Variants in ZSCAN26 observed in about 807,000 individuals in gnomAD.
ZSCAN26 encodes zinc finger and SCAN domain-containing protein 26.
Under a neutral mutation model 23.0 loss-of-function variants are expected in ZSCAN26, and 26 were observed. The observed-to-expected ratio is 1.13, with a 90% CI of 0.83 to 1.57. The LOEUF (loss-of-function observed/expected upper bound fraction) is 1.57. Among genes scored for constraint, ZSCAN26 ranks in the 40% most tolerant of loss-of-function variants. The probability of loss-of-function intolerance (pLI) is 0.00; values close to 1 mark genes in which losing one functional copy is unlikely to be tolerated. For synonymous variants in ZSCAN26, 180 were observed against 202.5 expected, an observed-to-expected ratio of 0.89 and a Z score of 0.94; for missense variants, 528 against 568.5, an observed-to-expected ratio of 0.93 and a Z score of 0.72.
chr6:28,271,139 C>T (rs960836586), intron 1 of ZSCAN26, among the ~76,000 whole-genome samples: 3 of 152,146 alleles, frequency 2.0e-5, no homozygotes, highest in Non-Finnish European at 4.4e-5. Context: ...AATAGACCTC[C>T]TTGACCTTCT....
intron 3 of ZSCAN26, among the ~76,000 whole-genome samples, chr6:28,273,900 T>A (rs1252095773): frequency 6.6e-6 from 1 of 151,908 alleles, no homozygotes. Context: ...TTATTATTAT[T>A]TGTAGAGACA....
intron 3 of ZSCAN26, among the ~76,000 whole-genome samples, chr6:28,275,951 G>A (rs944809947): frequency 6.6e-6 from 1 of 152,098 alleles, no homozygotes; most frequent in Non-Finnish European, 1.5e-5. Flanking sequence ...GGTATCCCAT[G>A]ATAAAATTTA....
At chr6:28,270,457 A>T (rs964101167) in intron 1 of ZSCAN26, among the ~76,000 whole-genome samples, 3 of 152,122 alleles carry the variant, frequency 2.0e-5, no homozygotes, top group Non-Finnish European at 4.4e-5. Context: ...ATCCCCACAT[A>T]CCAAGGGCCT....
At chr6:28,270,563 G>A (rs998166191) in intron 1 of ZSCAN26, among the ~76,000 whole-genome samples, 1 of 152,210 alleles carries the variant, frequency 6.6e-6, no homozygotes. Flanking sequence ...TAGGCAGAAG[G>A]AAATTCAGGT....
chr6:28,273,486 A>T (rs7741443), intron 3 of ZSCAN26, among the ~76,000 whole-genome samples: 33,729 of 151,800 alleles, frequency 0.22, 4,712 homozygotes, highest in African/African-American at 0.38. Context: ...GATTGCAGTG[A>T]GCTGAGATCA....
intron 1 of ZSCAN26, among the ~76,000 whole-genome samples, 172 bp from the exon 2 acceptor site, chr6:28,271,682 T>C (rs977071157): frequency 6.6e-6 from 1 of 152,226 alleles, no homozygotes; most frequent in Non-Finnish European, 1.5e-5. Flanking sequence ...TTATTCCTTC[T>C]ACATTAGATG....
At chr6:28,273,695 T>C (rs1761813926) in intron 3 of ZSCAN26, among the ~76,000 whole-genome samples, 1 of 151,990 alleles carries the variant, frequency 6.6e-6, no homozygotes, top group Non-Finnish European at 1.5e-5. Flanking sequence ...GGATTTTTTT[T>C]TTTTTTTGGT....
At chr6:28,267,517 A>G (rs946411194) in intron 1 of ZSCAN26, 7 of 152,112 alleles carry the variant, frequency 4.6e-5, no homozygotes, top group Non-Finnish European at 1.0e-4. Context: ...GAAAGACCTA[A>G]GTGGCTTTTG....
Position 28,276,235 on chromosome 6 carries a change from A to G in ZSCAN26, c.579A>G (p.Val193=). 5 of 1,613,808 alleles carry G rather than the reference A, an allele frequency of 3.1e-6. No homozygotes were observed. Among genetic ancestry groups the G allele is most frequent in the Non-Finnish European group, 4.2e-6 (5 of 1,179,784 alleles). The change falls in exon 4 of 4, where the codon GTA becomes GTG. Residue 193 remains valine, a synonymous_variant. Coordinates refer to ENST00000421553, the MANE Select transcript of ZSCAN26 (RefSeq NM_001023560.4). ...TTGAGAATGGGAAGCTTATTGTAGT[A>G]ACAGACTCTTGTGGAAGAGTAGAGT... The part of the protein sequence containing the change: ...TRIENGKLIV[V]TDSCGRVESS...
chr6:28,277,263 G>C lies in ZSCAN26; in HGVS notation c.*167G>C, dbSNP rs1761991204. On this transcript the variant is annotated 3_prime_UTR_variant, in exon 4 of 4. Coordinates refer to ENST00000421553, the MANE Select transcript of ZSCAN26 (RefSeq NM_001023560.4). ...CTTTGCTTTCCTTGAAGTCAGCTTT[G>C]GACCACAATAATTTCACTGTAGATG... 2 of 651,658 alleles carry C rather than the reference G, an allele frequency of 3.1e-6. No individual in the cohort carries two copies. The highest frequency in any genetic ancestry group is 2.9e-5 in the Admixed American group (1 of 34,052). The allele number at this position is 651,658 out of a possible 1,614,324, so 40.4% of individuals were successfully genotyped here.
chr6:28,275,416 A>G (rs1761891571), intron 3 of ZSCAN26, among the ~76,000 whole-genome samples: 2 of 152,136 alleles, frequency 1.3e-5, no homozygotes, highest in African/African-American at 4.8e-5. Context: ...GACACAGGCC[A>G]TTTATTTAGT....
At chr6:28,268,565 C>T (rs1761540167) in intron 1 of ZSCAN26, among the ~76,000 whole-genome samples, 1 of 151,998 alleles carries the variant, frequency 6.6e-6, no homozygotes, top group Non-Finnish European at 1.5e-5. Context: ...CTGTTTGTCA[C>T]AGTGGTCTAG....
At chr6:28,272,840 C>G (rs1051500785) in intron 3 of ZSCAN26, 53 bp downstream of exon 3, 2 of 1,477,216 alleles carry the variant, frequency 1.4e-6, no homozygotes, top group Non-Finnish European at 1.9e-6. Flanking sequence ...CTGTGCCTTT[C>G]CCTCTGAGGT....
rs770612647 is a variant in ZSCAN26 at position 28,276,471 on chromosome 6, G to T, written c.815G>T (p.Gly272Val). 1.1e-5 allele frequency: 17 copies of T among 1,613,930 alleles called. No homozygotes were observed. The highest frequency in any genetic ancestry group is 1.4e-5 in the Non-Finnish European group (16 of 1,179,868). The part of the protein sequence containing the change: ...SDVCQSSSLT[G>V]HKKVLSREKG... ...GTGTGTCAGAGTTCCAGTCTTACAG[G>T]ACATAAGAAAGTCCTCTCTAGAGAG... Residue 272 changes from glycine (G) to valine (V), a missense_variant, in exon 4 of 4, where the codon GGA (glycine) becomes GTA (valine). Gly to Val is a moderately radical substitution (Grantham distance 109, BLOSUM62 -3). Transcript: ENST00000421553.
chr6:28,269,332 G>A (rs78224691), intron 1 of ZSCAN26, among the ~76,000 whole-genome samples: 45,770 of 151,616 alleles, frequency 0.3, 8,303 homozygotes, highest in African/African-American at 0.49. Context: ...ACAATAATAC[G>A]AATTATGTAT....
chr6:28,277,728 C>T lies in ZSCAN26; in HGVS notation c.*632C>T, dbSNP rs1231203491. ...TTCATGTAATTTTACCATTTCCCATCCCCATTCCCCACCACATTATGTCAA... is the reference window on the plus strand; with the variant it reads ...TTCATGTAATTTTACCATTTCCCATTCCCATTCCCCACCACATTATGTCAA... On this transcript the variant is annotated 3_prime_UTR_variant, in exon 4 of 4. Coordinates refer to ENST00000421553, the MANE Select transcript of ZSCAN26 (RefSeq NM_001023560.4). 1 of 152,172 alleles carries T rather than the reference C, an allele frequency of 6.6e-6. No homozygotes were observed. The highest frequency in any genetic ancestry group is 2.4e-5 in the African/African-American group (1 of 41,430). The allele number at this position is 152,172 out of a possible 1,614,324, so 9.4% of individuals were successfully genotyped here.
intron 3 of ZSCAN26, among the ~76,000 whole-genome samples, chr6:28,273,732 C>G (rs1377622333): frequency 8.9e-6 from 1 of 112,348 alleles, no homozygotes; most frequent in Non-Finnish European, 1.9e-5. Flanking sequence ...TGTTGTTTTT[C>G]TATTGAGACA....
intron 3 of ZSCAN26, among the ~76,000 whole-genome samples, chr6:28,273,785 A>G (rs1009104552): frequency 6.6e-6 from 1 of 151,160 alleles, no homozygotes; most frequent in African/African-American, 2.4e-5. Flanking sequence ...TGGTGCAGTC[A>G]TAGCTCACTA....
chr6:28,274,145 C>G (rs1325445330), intron 3 of ZSCAN26, among the ~76,000 whole-genome samples: 1 of 150,970 alleles, frequency 6.6e-6, no homozygotes, highest in Non-Finnish European at 1.5e-5. Flanking sequence ...GTTTGCTTCT[C>G]TTTTTCTCTT....
Sources: gnomAD v4.1 joint callset for allele counts (sites outside exome capture counted in the v4.1 genomes callset) on GRCh38, gnomAD v4.1.1 for gene constraint, MANE v1.5 for transcripts, NCBI Gene and HGNC (gene_info 2026-07-23, HGNC 2026-07-21) for gene names.